FOLR1: variants seen among roughly 807,000 people sequenced by gnomAD.
The protein encoded by FOLR1 is folate receptor alpha.
A neutral mutation model predicts 22.8 loss-of-function variants in FOLR1; 11 were observed. That is an observed-to-expected ratio of 0.48 (90% CI 0.30 to 0.80). The LOEUF is 0.80. Among genes scored for constraint, FOLR1 ranks in the 30% least tolerant of loss-of-function variants. The pLI is 0.06. For missense variants in FOLR1, 273 were observed against 320.3 expected, an observed-to-expected ratio of 0.85 and a Z score of 1.13; for synonymous variants, 108 against 116.5, an observed-to-expected ratio of 0.93 and a Z score of 0.47.
intron 1 of FOLR1, among the ~76,000 whole-genome samples, chr11:72,195,031 A>C (rs1948208101): frequency 6.6e-6 from 1 of 152,206 alleles, no homozygotes; most frequent in Non-Finnish European, 1.5e-5. Context: ...GTAGGATCTC[A>C]ATAAAGGTTG....
rs371399726 is a variant in FOLR1 at position 72,196,080 on chromosome 11, C to T, written c.677C>T (p.Ala226Val). 8.3e-5 allele frequency: 134 copies of T among 1,614,082 alleles called. 1 individual carries two copies. Among genetic ancestry groups the T allele is most frequent in the East Asian group, 1.1e-4 (5 of 44,896 alleles). The change falls in exon 4 of 4, where the codon GCG (alanine) becomes GTG (valine). Residue 226 changes from alanine (A) to valine (V), a missense_variant. Physicochemically the swap from Ala to Val is moderately conservative, Grantham distance 64. Transcript: ENST00000393676. ...PAQGNPNEEV[A>V]RFYAAAMSGA... ...CAGGGCAACCCCAATGAGGAGGTGG[C>T]GAGGTTCTATGCTGCAGCCATGAGT...
chr11:72,192,275 C>T lies in FOLR1; in HGVS notation c.102C>T (p.Leu34=). ...TRIAWARTEL[L]NVCMNAKHHK... ...TTGCATGGGCCAGGACTGAGCTTCT[C>T]AATGTCTGCATGAACGCCAAGCACC... The change falls in exon 1 of 4, where the codon CTC becomes CTT. Residue 34 remains leucine (L), a synonymous_variant. Coordinates refer to ENST00000393676, the MANE Select transcript of FOLR1 (RefSeq NM_016729.3). 7 of 1,614,110 alleles carry T rather than the reference C, an allele frequency of 4.3e-6. No individual in the cohort carries two copies. The highest frequency in any genetic ancestry group is 5.9e-6 in the Non-Finnish European group (7 of 1,180,030).
chr11:72,195,970 C>T lies in FOLR1; in HGVS notation c.567C>T (p.Cys189=). ...ACTTCCCCACACCCACTGTTCTGTG[C>T]AATGAAATCTGGACTCACTCCTACA... The part of the protein sequence containing the change: ...HFYFPTPTVL[C]NEIWTHSYKV... The change falls in exon 4 of 4, where the codon TGC becomes TGT. Residue 189 remains cysteine, a synonymous_variant. Coordinates refer to ENST00000393676, the MANE Select transcript of FOLR1 (RefSeq NM_016729.3). 6.2e-7 allele frequency: 1 copy of T among 1,614,230 alleles called. No homozygotes were observed. The highest frequency in any genetic ancestry group is 1.1e-5 in the South Asian group (1 of 91,090).
intron 1 of FOLR1, among the ~76,000 whole-genome samples, chr11:72,193,161 C>T (rs1948178663): frequency 6.6e-6 from 1 of 151,906 alleles, no homozygotes; most frequent in African/African-American, 2.4e-5. Context: ...ATGGCAAAAC[C>T]CCATCTCTAC....
At position 72,196,157 on chromosome 11, in the gene FOLR1, C is replaced by T; in HGVS notation, c.754C>T (p.Leu252=). The part of the protein sequence containing the change: ...WPFLLSLALM[L]LWLLS ...TTTCCTGCTTAGCCTGGCCCTAATG[C>T]TGCTGTGGCTGCTCAGCTGACCTCC... The change falls in exon 4 of 4, where the codon CTG becomes TTG. Residue 252 remains leucine (L), a synonymous_variant. Coordinates refer to ENST00000393676, the MANE Select transcript of FOLR1 (RefSeq NM_016729.3). The T allele has an allele frequency of 1.2e-6, 2 of 1,614,188 alleles. No homozygotes were observed. The highest frequency in any genetic ancestry group is 1.7e-6 in the Non-Finnish European group (2 of 1,180,028).
At chr11:72,195,493 C>A (rs376293431) in intron 2 of FOLR1, 34 bp downstream of exon 2, 21 of 1,613,314 alleles carry the variant, frequency 1.3e-5, no homozygotes, top group Admixed American at 1.0e-4. Flanking sequence ...CAAGACCTAG[C>A]GGAGCAGCTG....
chr11:72,192,606 T>A (rs781423121), intron 1 of FOLR1, among the ~76,000 whole-genome samples: 3 of 152,134 alleles, frequency 2.0e-5, no homozygotes, highest in African/African-American at 7.2e-5. Flanking sequence ...GAGTGACCCA[T>A]CCTGGGGTTG....
chr11:72,195,810 G>C, intron 3 of FOLR1, 63 bp downstream of exon 3: 1 of 1,614,096 alleles, frequency 6.2e-7, no homozygotes, highest in Non-Finnish European at 8.5e-7. Context: ...GTGTGGAACA[G>C]GTATGTGACA....
Position 72,195,647 on chromosome 11 carries a change from C to G in FOLR1, c.393C>G (p.Asn131Lys). 6.2e-7 allele frequency: 1 copy of G among 1,614,210 alleles called. No homozygotes were observed. The highest frequency in any genetic ancestry group is 8.5e-7 in the Non-Finnish European group (1 of 1,180,042). ...DQSWRKERVL[N>K]VPLCKEDCEQ... ...GCTGGCGCAAAGAGCGGGTACTGAA[C>G]GTGCCCCTGTGCAAAGAGGACTGTG... Residue 131 changes from asparagine to lysine, a missense_variant, in exon 3 of 4, where the codon AAC becomes AAG. By Grantham distance (94) the Asn-to-Lys change is moderately conservative. Transcript: ENST00000393676.
chr11:72,193,262 A>G (rs1034857835), intron 1 of FOLR1, among the ~76,000 whole-genome samples: 2 of 151,974 alleles, frequency 1.3e-5, no homozygotes, highest in African/African-American at 4.8e-5. Flanking sequence ...AGTTGAGCCC[A>G]GGAGGCAGAG....
intron 2 of FOLR1, 75 bp from the exon 3 acceptor site, chr11:72,195,537 A>C: frequency 1.2e-6 from 2 of 1,613,282 alleles, no homozygotes; most frequent in Non-Finnish European, 8.5e-7. Flanking sequence ...CTGCAACCCC[A>C]GCTCCAGTTC....
upstream of FOLR1, chr11:72,190,361 C>T (rs1948140741): frequency 6.6e-6 from 1 of 152,234 alleles, no homozygotes; most frequent in Non-Finnish European, 1.5e-5. Flanking sequence ...GGGGCATGGC[C>T]CTCATCTGTG....
Position 72,192,265 on chromosome 11 carries a change from C to G in FOLR1, c.92C>G (p.Thr31Ser), listed in dbSNP as rs1304635865. 5.6e-6 allele frequency: 9 copies of G among 1,614,164 alleles called. No homozygotes were observed. The highest frequency in any genetic ancestry group is 7.6e-6 in the Non-Finnish European group (9 of 1,180,026). The part of the protein sequence containing the change: ...EAQTRIAWAR[T>S]ELLNVCMNAK... Reference sequence around the variant, plus strand: ...CAGACAAGGATTGCATGGGCCAGGACTGAGCTTCTCAATGTCTGCATGAAC... The same window carrying G: ...CAGACAAGGATTGCATGGGCCAGGAGTGAGCTTCTCAATGTCTGCATGAAC... Residue 31 changes from threonine (T) to serine (S), a missense_variant, in exon 1 of 4, where the codon ACT becomes AGT. Coordinates refer to ENST00000393676, the MANE Select transcript of FOLR1 (RefSeq NM_016729.3).
chr11:72,191,187 C>G (rs898191728), upstream of FOLR1, among the ~76,000 whole-genome samples: 2 of 152,046 alleles, frequency 1.3e-5, no homozygotes, highest in African/African-American at 4.8e-5. Context: ...GCTGGCTGTC[C>G]CCTGCCAGCA....
At chr11:72,195,541 C>G (rs1181625020) in intron 2 of FOLR1, 71 bp from the exon 3 acceptor site, 3 of 1,613,204 alleles carry the variant, frequency 1.9e-6, no homozygotes, top group Admixed American at 1.7e-5. Flanking sequence ...AACCCCAGCT[C>G]CAGTTCTATT....
Position 72,195,879 on chromosome 11 carries a change from C to G in FOLR1, c.494-18C>G. On this transcript the variant is annotated intron_variant, in intron 3 of 3. Coordinates refer to ENST00000393676, the MANE Select transcript of FOLR1 (RefSeq NM_016729.3). ...AGTTCCGGGCCCAGTGGCTAAAGGT[C>G]TTCCCTCCTCTCTACAGGGTTTAAC... The G allele has an allele frequency of 6.2e-7, 1 of 1,614,200 alleles. No individual in the cohort carries two copies. Among genetic ancestry groups the G allele is most frequent in the Non-Finnish European group, 8.5e-7 (1 of 1,180,046 alleles).
chr11:72,191,653 C>T (rs1381423908), upstream of FOLR1, among the ~76,000 whole-genome samples: 5 of 152,174 alleles, frequency 3.3e-5, no homozygotes, highest in South Asian at 2.1e-4. Flanking sequence ...TGAGCCACCG[C>T]GCCCAGCCCA....
rs890104508 is a variant in FOLR1, at chr11:72,196,063, C to A, written c.660C>A (p.Asn220Lys). The A allele has an allele frequency of 2.5e-6, 4 of 1,614,096 alleles. No homozygotes were observed. The highest frequency in any genetic ancestry group is 2.7e-5 in the African/African-American group (2 of 74,942). ...IQMWFDPAQG[N>K]PNEEVARFYA... Reference sequence around the variant, plus strand: ...TGTGGTTCGACCCAGCCCAGGGCAACCCCAATGAGGAGGTGGCGAGGTTCT... The same window carrying A: ...TGTGGTTCGACCCAGCCCAGGGCAAACCCAATGAGGAGGTGGCGAGGTTCT... The change falls in exon 4 of 4, where the codon AAC becomes AAA. Residue 220 changes from asparagine (N) to lysine (K), a missense_variant. Transcript: ENST00000393676.
chr11:72,190,696 C>T (rs1239219336), upstream of FOLR1: 2 of 152,240 alleles, frequency 1.3e-5, no homozygotes, highest in East Asian at 3.9e-4. Flanking sequence ...ATGAATGAAT[C>T]AACCATGAGA....
Sources: allele counts gnomAD v4.1 joint callset (sites outside exome capture counted in the v4.1 genomes callset), GRCh38; gene constraint gnomAD v4.1.1; transcripts MANE v1.5; gene names NCBI Gene and HGNC (gene_info 2026-07-23, HGNC 2026-07-21).